The following BRAF variants were observed in gnomAD, a reference collection of about 807,000 sequenced individuals.
BRAF encodes serine/threonine-protein kinase B-raf.
BRAF carries 16 observed loss-of-function variants against 104.6 expected under a neutral mutation model. The ratio of observed to expected loss-of-function variants is 0.15; its 90% CI spans 0.10 to 0.23. The LOEUF (loss-of-function observed/expected upper bound fraction) is 0.23. Ranked by LOEUF, BRAF falls within the 10% of genes least tolerant of loss-of-function variation. BRAF has a pLI of 1.00. For missense variants in BRAF, 541 were observed against 937.3 expected (o/e 0.58, Z 5.52); for synonymous variants, 310 against 341.6 (o/e 0.91, Z 1.02).
chr7:140,814,388 G>A (rs1356694484), intron 3 of BRAF, among the ~76,000 whole-genome samples: 1 of 152,166 alleles, frequency 6.6e-6, no homozygotes, highest in Non-Finnish European at 1.5e-5. Context: ...TAGTTGGCCA[G>A]ACATGGTGGC....
chr7:140,884,944 A>T (rs796393426), intron 1 of BRAF, among the ~76,000 whole-genome samples: 27 of 152,270 alleles, frequency 1.8e-4, no homozygotes, highest in South Asian at 1.2e-3. Context: ...AACAACAAAA[A>T]ACAATGAGAG....
intron 17 of BRAF, chr7:140,747,217 G>A (rs1377448193): frequency 4.4e-6 from 1 of 226,198 alleles, no homozygotes. Flanking sequence ...TAGACTAGGG[G>A]GTAATGAAGC....
rs563521328 is a variant in BRAF at position 140,720,935 on chromosome 7, A to G, written c.*5559T>C. 2.4e-4 allele frequency: 258 copies of G among 1,065,720 alleles called. 1 individual carries two copies. The highest frequency in any genetic ancestry group is 2.7e-4 in the Admixed American group (5 of 18,762). The allele number at this position is 1,065,720 out of a possible 1,614,324, so 66.0% of individuals were successfully genotyped here. ...CAACTCTCCCGCATATGTGCTGTAC[A>G]TGAGAACCAGCGGTCACGGTGCTGG... On this transcript the variant is annotated 3_prime_UTR_variant, in exon 20 of 20. Transcript: ENST00000644969.
intron 1 of BRAF, among the ~76,000 whole-genome samples, chr7:140,910,631 G>A (rs1476824973): frequency 1.3e-5 from 2 of 152,066 alleles, no homozygotes; most frequent in Non-Finnish European, 1.5e-5. Flanking sequence ...CAGTCCTTGA[G>A]GTAATCTTGT....
At chr7:140,889,229 A>AT (rs1813933607) in intron 1 of BRAF, among the ~76,000 whole-genome samples, 1 of 152,236 alleles carries the variant, frequency 6.6e-6, no homozygotes, top group Admixed American at 6.5e-5. Flanking sequence ...GAAACTAGCT[A>AT]TTTTAAAAAA....
rs188340031 is a variant in BRAF at position 140,720,137 on chromosome 7, C to T, written c.*6357G>A. 6 of 1,061,310 alleles carry T rather than the reference C, an allele frequency of 5.7e-6. No individual in the cohort carries two copies. Among genetic ancestry groups the T allele is most frequent in the Non-Finnish European group, 2.3e-6 (2 of 876,756 alleles). The allele number at this position is 1,061,310 out of a possible 1,614,324, so 65.7% of individuals were successfully genotyped here. On this transcript the variant is annotated 3_prime_UTR_variant, in exon 20 of 20. Coordinates refer to ENST00000644969, the MANE Select transcript of BRAF (RefSeq NM_001374258.1). ...TTGATGAATGATCAAATTCAATCCC[C>T]TGATCAGTTGTATGATCCTATCTTA...
At chr7:140,814,822 T>TTA (rs1450922402) in intron 3 of BRAF, among the ~76,000 whole-genome samples, 1 of 145,242 alleles carries the variant, frequency 6.9e-6, no homozygotes, top group Non-Finnish European at 1.5e-5. Flanking sequence ...CATATATAAT[T>TTA]TATATATATT....
At position 140,892,873 on chromosome 7, in the gene BRAF, A is replaced by C. The variant is rs528670944; in HGVS notation, c.138+31693T>G. On this transcript the variant is annotated intron_variant, in intron 1 of 19. Coordinates refer to ENST00000644969, the MANE Select transcript of BRAF (RefSeq NM_001374258.1). ...AGTTTGCTAGAGGAGAGAACTGATCACTTTTAATTTTAAATTTATGTTGGG... is the reference window on the plus strand; with the variant it reads ...AGTTTGCTAGAGGAGAGAACTGATCCCTTTTAATTTTAAATTTATGTTGGG... Among the ~76,000 whole-genome samples the C allele has an allele frequency of 1.4e-4, 21 of 152,342 alleles. No individual in the cohort carries two copies. The South Asian group carries it at 4.3e-3, about 32-fold the overall frequency.
chr7:140,852,068 T>C (rs1809226694), intron 1 of BRAF, among the ~76,000 whole-genome samples: 3 of 152,148 alleles, frequency 2.0e-5, no homozygotes, highest in South Asian at 2.1e-4. Context: ...TCTGAAAGAC[T>C]GTGAGAACAG....
At chr7:140,830,647 A>T (rs1806622767) in intron 3 of BRAF, among the ~76,000 whole-genome samples, 1 of 152,094 alleles carries the variant, frequency 6.6e-6, no homozygotes, top group Non-Finnish European at 1.5e-5. Flanking sequence ...CCATCCACCA[A>T]CCTCTGAGAA....
At chr7:140,718,197 C>T (rs1375312015), downstream of BRAF, among the ~76,000 whole-genome samples, 2 of 152,116 alleles carry the variant, frequency 1.3e-5, no homozygotes, top group Non-Finnish European at 2.9e-5. Flanking sequence ...CAGGTTCAAG[C>T]GATTCTCCTG....
At chr7:140,748,368 T>C (rs1797521641) in intron 17 of BRAF, among the ~76,000 whole-genome samples, 2 of 152,162 alleles carry the variant, frequency 1.3e-5, no homozygotes, top group Admixed American at 6.5e-5. Context: ...TTCTCAACTT[T>C]GGTCTGTATT....
intron 19 of BRAF, among the ~76,000 whole-genome samples, chr7:140,729,641 G>A (rs1795824102): frequency 6.6e-6 from 1 of 152,078 alleles, no homozygotes; most frequent in Non-Finnish European, 1.5e-5. Context: ...AATTACGTGT[G>A]GTGCCACATA....
In BRAF at chr7:140,831,358, C is replaced by A. The variant is rs1483638126; in HGVS notation, c.504+3251G>T. On this transcript the variant is annotated intron_variant, in intron 3 of 19. Transcript: ENST00000644969. ...CAGATGGAAGCAGAGTATTATTTTA[C>A]TCCTCGGTAGATTAACGTTTACTTT... is the stretch of plus-strand genomic sequence containing the variant. Among the ~76,000 whole-genome samples the A allele has an allele frequency of 2.6e-5, 4 of 152,146 alleles. No homozygotes were observed. In the South Asian group the frequency reaches 8.3e-4, roughly 32 times the overall value.
chr7:140,786,131 C>T (rs1477529293), intron 9 of BRAF, among the ~76,000 whole-genome samples: 2 of 151,874 alleles, frequency 1.3e-5, no homozygotes, highest in African/African-American at 2.4e-5. Context: ...TTAAGACATA[C>T]GAAAGTCAAA....
Position 140,846,195 on chromosome 7 carries a change from G to A in BRAF, c.240+3916C>T, listed in dbSNP as rs564285286. On this transcript the variant is annotated intron_variant, in intron 2 of 19. Coordinates refer to ENST00000644969, the MANE Select transcript of BRAF (RefSeq NM_001374258.1). ...AGAAGTAAAAGGAACTCAGATACTC[G>A]TACACCCATGTTCACAGCATTATTG... Among the ~76,000 whole-genome samples, 17 of 152,126 alleles carry A rather than the reference G, an allele frequency of 1.1e-4. No homozygotes were observed. The East Asian group carries it at 2.5e-3, about 22-fold the overall frequency.
At chr7:140,892,255 C>CA (rs563291402) in intron 1 of BRAF, among the ~76,000 whole-genome samples, 2,654 of 143,946 alleles carry the variant, frequency 0.018, 30 homozygotes, top group Non-Finnish European at 0.027. Context: ...GAATCTGTGT[C>CA]AAAAAAAAAA....
At chr7:140,728,965 C>T (rs545238880) in intron 19 of BRAF, among the ~76,000 whole-genome samples, 11 of 151,722 alleles carry the variant, frequency 7.3e-5, no homozygotes, top group Middle Eastern at 3.4e-3. Flanking sequence ...GTGGTTCACG[C>T]CTATAATCCC....
chr7:140,749,140 A>G, intron 17 of BRAF, 147 bp downstream of exon 16: 1 of 1,080,990 alleles, frequency 9.3e-7, no homozygotes, highest in Non-Finnish European at 1.3e-6. Flanking sequence ...TATTACTGCC[A>G]AAAGTATACA....
Sources: gnomAD v4.1 joint callset for allele counts (sites outside exome capture counted in the v4.1 genomes callset) on GRCh38, gnomAD v4.1.1 for gene constraint, MANE v1.5 for transcripts, NCBI Gene and HGNC (gene_info 2026-07-23, HGNC 2026-07-21) for gene names.